Variants in BAG3 observed in about 807,000 individuals in gnomAD.
BAG3 encodes the protein BAG cochaperone 3.
A neutral mutation model predicts 40.5 loss-of-function variants in BAG3; 14 were observed. That is an observed-to-expected ratio of 0.35 (90% CI 0.23 to 0.54). The LOEUF is 0.54. BAG3 is among the 20% of genes least tolerant of loss of function. The pLI is 0.91. For synonymous variants in BAG3, 302 were observed against 307.8 expected (o/e 0.98, Z 0.20); for missense variants, 788 against 758.6 (o/e 1.04, Z -0.46).
At chr10:119,665,802 GT>G (rs58434745) in intron 1 of BAG3, among the ~76,000 whole-genome samples, 1 of 150,622 alleles carries the variant, frequency 6.6e-6, no homozygotes, top group Non-Finnish European at 1.5e-5. Flanking sequence ...TGTTGTTGTT[GT>G]TTTTTTTTAA....
At chr10:119,657,160 G>A (rs186071547) in intron 1 of BAG3, among the ~76,000 whole-genome samples, 143 of 152,232 alleles carry the variant, frequency 9.4e-4, no homozygotes, top group African/African-American at 3.3e-3. Flanking sequence ...AGATGGGCCC[G>A]ACTCTTTACT....
chr10:119,675,856 C>CCTTCCTT, intron 3 of BAG3, among the ~76,000 whole-genome samples: 1 of 48,384 alleles, frequency 2.1e-5, no homozygotes, highest in Non-Finnish European at 4.0e-5. Context: ...CCTTCCTGCC[C>CCTTCCTT]CCTTCCCCCT....
At chr10:119,655,705 G>A (rs1343109463) in intron 1 of BAG3, among the ~76,000 whole-genome samples, 1 of 152,138 alleles carries the variant, frequency 6.6e-6, no homozygotes, top group African/African-American at 2.4e-5. Flanking sequence ...TTGTTGGGGG[G>A]CAGATGAACA....
intron 2 of BAG3, among the ~76,000 whole-genome samples, chr10:119,670,708 AG>A (rs2134063986): frequency 6.6e-6 from 1 of 152,350 alleles, no homozygotes; most frequent in East Asian, 1.9e-4. Context: ...AGAAATAAGG[AG>A]TCAGGAAGGC....
intron 1 of BAG3, among the ~76,000 whole-genome samples, chr10:119,660,455 T>G (rs923060265): frequency 6.6e-6 from 1 of 152,214 alleles, no homozygotes; most frequent in Admixed American, 6.5e-5. Context: ...GCAGAGAAAG[T>G]GACATCCTTG....
At chr10:119,673,293 T>C (rs78006725) in intron 3 of BAG3, among the ~76,000 whole-genome samples, 2,631 of 152,268 alleles carry the variant, frequency 0.017, 48 homozygotes, top group African/African-American at 0.048. Flanking sequence ...ATTTCAGAAG[T>C]GTTCATTTTA....
chr10:119,655,773 G>GAACA (rs1184284805), intron 1 of BAG3, among the ~76,000 whole-genome samples: 3 of 152,140 alleles, frequency 2.0e-5, no homozygotes, highest in Non-Finnish European at 4.4e-5. Flanking sequence ...CCCCTCTGAA[G>GAACA]AACAGCCTGT....
At position 119,677,596 on chromosome 10, in the gene BAG3, CTG is replaced by C; in HGVS notation, c.*315_*316del. On this transcript the variant is annotated 3_prime_UTR_variant, in exon 4 of 4. Coordinates refer to ENST00000369085, the MANE Select transcript of BAG3 (RefSeq NM_004281.4). The stretch of plus-strand genomic sequence containing the variant: ...TGGTTGTGCACTGTCTTTTGTAGCT[CTG>C]GACTGGAGGGGTAGATGGGGAGTCA... The C allele has an allele frequency of 2.3e-6, 1 of 436,094 alleles. No individual in the cohort carries two copies. Among genetic ancestry groups the C allele is most frequent in the Non-Finnish European group, 4.2e-6 (1 of 237,344 alleles). 27.0% of individuals were successfully genotyped at this position (436,094 alleles called of 1,614,324 possible).
In BAG3 at chr10:119,677,132, G is replaced by T. The variant is rs777325497; in HGVS notation, c.1578G>T (p.Glu526Asp). 1.1e-5 allele frequency: 17 copies of T among 1,614,058 alleles called. No homozygotes were observed. The highest frequency in any genetic ancestry group is 1.4e-5 in the Non-Finnish European group (17 of 1,180,054). ...EADQPLQAIM[E>D]MGAVAADKGK... ...ATCAGCCACTGCAGGCAATCATGGA[G>T]ATGGGTGCCGTGGCAGCAGACAAGG... The change falls in exon 4 of 4, where the codon GAG (glutamate) becomes GAT (aspartate). Residue 526 changes from glutamate to aspartate, a missense_variant. Transcript: ENST00000369085.
chr10:119,662,099 G>A (rs1187852279), intron 1 of BAG3, among the ~76,000 whole-genome samples: 1 of 152,032 alleles, frequency 6.6e-6, no homozygotes, highest in Non-Finnish European at 1.5e-5. Context: ...CCAGGCTGGA[G>A]TGCAATGGCA....
In BAG3 at chr10:119,676,567, C is replaced by T. The variant is rs1847237422; in HGVS notation, c.1013C>T (p.Pro338Leu). ...CCAGAACTCCCTCCTGGACACATCC[C>T]AATTCAAGTGATCCGCAAAGAGGTG... ...VGPELPPGHIPIQVIRKEVDS... is the reference protein window; with the variant it reads ...VGPELPPGHILIQVIRKEVDS... The change falls in exon 4 of 4, where the codon CCA becomes CTA. Residue 338 changes from proline (P) to leucine (L), a missense_variant. Coordinates refer to ENST00000369085, the MANE Select transcript of BAG3 (RefSeq NM_004281.4). 2 of 1,614,112 alleles carry T rather than the reference C, an allele frequency of 1.2e-6. No individual in the cohort carries two copies. The highest frequency in any genetic ancestry group is 8.5e-7 in the Non-Finnish European group (1 of 1,180,024).
rs977961521 is a variant in BAG3 at position 119,674,628 on chromosome 10, A to AT, written c.910-1832dup. Among the ~76,000 whole-genome samples, 87 of 152,318 alleles carry AT rather than the reference A, an allele frequency of 5.7e-4. 1 individual carries two copies. The highest frequency in any genetic ancestry group is 3.4e-3 in the Admixed American group (52 of 15,298). On this transcript the variant is annotated intron_variant, in intron 3 of 3. Coordinates refer to ENST00000369085, the MANE Select transcript of BAG3 (RefSeq NM_004281.4). Reference sequence around the variant, plus strand: ...TCCCAGTTGATGAAATTAGGGTGAGATTTTAAAAGAAGTGTTAGATATTCA... The same window carrying AT: ...TCCCAGTTGATGAAATTAGGGTGAGATTTTTAAAAGAAGTGTTAGATATTCA...
At chr10:119,657,947 C>T (rs1846935140) in intron 1 of BAG3, among the ~76,000 whole-genome samples, 1 of 152,206 alleles carries the variant, frequency 6.6e-6, no homozygotes. Flanking sequence ...TCAGAAAAGC[C>T]TAGAATCGCA....
chr10:119,665,344 GT>G (rs1183955444), intron 1 of BAG3, among the ~76,000 whole-genome samples: 2 of 151,536 alleles, frequency 1.3e-5, no homozygotes, highest in Non-Finnish European at 2.9e-5. Flanking sequence ...GTTTCACCGT[GT>G]TAGCCAGGAT....
chr10:119,677,698 A>T lies in BAG3; in HGVS notation c.*416A>T. ...AATGAGATGATTTTCTTCATCTCATAATTAAAATACCTGACTTTAGAGAGA... is the reference window on the plus strand; with the variant it reads ...AATGAGATGATTTTCTTCATCTCATTATTAAAATACCTGACTTTAGAGAGA... On this transcript the variant is annotated 3_prime_UTR_variant, in exon 4 of 4. Transcript: ENST00000369085. 4.2e-6 allele frequency: 1 copy of T among 238,640 alleles called. No homozygotes were observed. Among genetic ancestry groups the T allele is most frequent in the East Asian group, 9.4e-5 (1 of 10,624 alleles). 14.8% of individuals were successfully genotyped at this position (238,640 alleles called of 1,614,324 possible).
At chr10:119,660,033 G>T (rs1180895110) in intron 1 of BAG3, among the ~76,000 whole-genome samples, 1 of 152,202 alleles carries the variant, frequency 6.6e-6, no homozygotes, top group Admixed American at 6.5e-5. Context: ...AACCCGTGAG[G>T]CAGGCTGCAG....
At chr10:119,661,310 G>A (rs555172585) in intron 1 of BAG3, among the ~76,000 whole-genome samples, 1 of 152,108 alleles carries the variant, frequency 6.6e-6, no homozygotes, top group Non-Finnish European at 1.5e-5. Context: ...TTAGGGCACA[G>A]AGCAGCTCAG....
chr10:119,673,924 T>G (rs770566168), intron 3 of BAG3, among the ~76,000 whole-genome samples: 10 of 152,254 alleles, frequency 6.6e-5, no homozygotes, highest in Non-Finnish European at 1.3e-4. Flanking sequence ...GAGGAAGACA[T>G]TCTCGTTCAT....
intron 1 of BAG3, among the ~76,000 whole-genome samples, chr10:119,666,579 A>AGATGCACGAGGTGCTCAGCAC: frequency 6.6e-6 from 1 of 152,034 alleles, no homozygotes; most frequent in African/African-American, 2.4e-5. Context: ...GTGCTCAGCG[A>AGATGCACGAGGTGCTCAGCAC]GATGCACGAG....
Sources: gnomAD v4.1 joint callset for allele counts (sites outside exome capture counted in the v4.1 genomes callset) on GRCh38, gnomAD v4.1.1 for gene constraint, MANE v1.5 for transcripts, NCBI Gene and HGNC (gene_info 2026-07-23, HGNC 2026-07-21) for gene names.